The following MAP2K5 variants were observed in gnomAD, a reference collection of about 807,000 sequenced individuals.
MAP2K5 encodes dual specificity mitogen-activated protein kinase kinase 5.
A neutral mutation model predicts 83.1 loss-of-function variants in MAP2K5; 49 were observed. The ratio of observed to expected loss-of-function variants is 0.59; its 90% CI spans 0.47 to 0.75. The LOEUF is 0.75. Among genes scored for constraint, MAP2K5 ranks in the 30% least tolerant of loss-of-function variants. The pLI is 0.00. For missense variants in MAP2K5, 457 were observed against 557.5 expected, an observed-to-expected ratio of 0.82 and a Z score of 1.82; for synonymous variants, 202 against 191.8, an observed-to-expected ratio of 1.05 and a Z score of -0.44.
chr15:67,594,390 T>C (rs1331049237), intron 7 of MAP2K5, among the ~76,000 whole-genome samples: 3 of 152,198 alleles, frequency 2.0e-5, no homozygotes, highest in African/African-American at 7.2e-5. Context: ...TAGTTACTAA[T>C]TGTAATTTAT....
chr15:67,715,701 CA>C, intron 16 of MAP2K5, among the ~76,000 whole-genome samples: 1 of 152,272 alleles, frequency 6.6e-6, no homozygotes, highest in South Asian at 2.1e-4. Context: ...AGGCATTTGA[CA>C]ACCCATTTTC....
chr15:67,630,941 A>G lies in MAP2K5; in HGVS notation c.585+14A>G, dbSNP rs2086460142. 6.3e-7 allele frequency: 1 copy of G among 1,587,846 alleles called. No homozygotes were observed. The highest frequency in any genetic ancestry group is 8.6e-7 in the Non-Finnish European group (1 of 1,160,292). ...TTAGCTGTAAAGGTAAGTACTGGAT[A>G]CATTTTATGAAATTCTTGATGTTCA... is the stretch of plus-strand genomic sequence containing the variant. On this transcript the variant is annotated intron_variant, in intron 9 of 21. Transcript: ENST00000178640.
chr15:67,552,445 A>T lies in MAP2K5; in HGVS notation c.184+2363A>T, dbSNP rs2084530486. 2.6e-5 allele frequency among the ~76,000 whole-genome samples: 4 copies of T among 152,038 alleles called. No individual in the cohort carries two copies. Among genetic ancestry groups the T allele is most frequent in the Admixed American group, 2.6e-4 (4 of 15,272 alleles). ...ACAAGATCCCCACGAAGTACTCGTTATTTTTTTGAGACAGAGTATTGCTCT... is the reference window on the plus strand; with the variant it reads ...ACAAGATCCCCACGAAGTACTCGTTTTTTTTTTGAGACAGAGTATTGCTCT... On this transcript the variant is annotated intron_variant, in intron 2 of 21. Transcript: ENST00000178640. The surrounding 1 kb of genome is among the most constrained non-coding windows in gnomAD (Gnocchi z 4.2).
rs911291679 is a variant in MAP2K5 at position 67,649,715 on chromosome 15, A to G, written c.736+3246A>G. ...TCTATCTTTGTACCAGTACCACACC[A>G]TATTTGATTACTTGTACTTGAAAAC... On this transcript the variant is annotated intron_variant, in intron 11 of 21. Coordinates refer to ENST00000178640, the MANE Select transcript of MAP2K5 (RefSeq NM_145160.3). Among the ~76,000 whole-genome samples, 14 of 152,260 alleles carry G rather than the reference A, an allele frequency of 9.2e-5. No individual in the cohort carries two copies. In the East Asian group the frequency reaches 9.6e-4, roughly 10 times the overall value.
In MAP2K5 at chr15:67,786,006, A is replaced by T. The variant is rs1199512772; in HGVS notation, c.1242+13254A>T. Among the ~76,000 whole-genome samples, 1 of 137,122 alleles carries T rather than the reference A, an allele frequency of 7.3e-6. No individual in the cohort carries two copies. The highest frequency in any genetic ancestry group is 2.4e-4 in the East Asian group (1 of 4,250). The allele number at this position is 137,122 out of a possible 152,430, so 90.0% of individuals were successfully genotyped here. ...GATACCAACTTCACAGGGGGCTTTT[A>T]GCTGTTAGGTTGTTTTTTTTTTTTT... On this transcript the variant is annotated intron_variant, in intron 21 of 21. Coordinates refer to ENST00000178640, the MANE Select transcript of MAP2K5 (RefSeq NM_145160.3). The surrounding 1 kb of genome is among the most constrained non-coding windows in gnomAD (Gnocchi z 4.7).
intron 17 of MAP2K5, among the ~76,000 whole-genome samples, chr15:67,742,603 AAGG>A: frequency 6.6e-6 from 1 of 152,350 alleles, no homozygotes; most frequent in East Asian, 1.9e-4. Context: ...GGGACAAAGA[AAGG>A]AGAAAAGACT....
rs78455219 is a variant in MAP2K5, at chr15:67,553,123, C to T, written c.184+3041C>T. Among the ~76,000 whole-genome samples the T allele has an allele frequency of 1.3e-4, 20 of 152,056 alleles. No homozygotes were observed. In the East Asian group the frequency reaches 3.1e-3, roughly 24 times the overall value. On this transcript the variant is annotated intron_variant, in intron 2 of 21. Transcript: ENST00000178640. ...CCAGGCAGTGTACTAGATGACTTGCCTAAGTTGTTAGTAATCTTTATACTG... is the reference window on the plus strand; with the variant it reads ...CCAGGCAGTGTACTAGATGACTTGCTTAAGTTGTTAGTAATCTTTATACTG...
intron 8 of MAP2K5, among the ~76,000 whole-genome samples, chr15:67,613,262 G>A (rs1339969484): frequency 6.6e-6 from 1 of 152,202 alleles, no homozygotes; most frequent in Non-Finnish European, 1.5e-5. Context: ...GACTGGCTTT[G>A]CTAAGGTATC....
intron 8 of MAP2K5, among the ~76,000 whole-genome samples, chr15:67,618,490 T>C (rs2086106259): frequency 6.6e-6 from 1 of 152,192 alleles, no homozygotes; most frequent in Non-Finnish European, 1.5e-5. Context: ...CAGATGTATG[T>C]CTGTAGCCCT....
At chr15:67,727,245 G>T (rs1156360132) in intron 16 of MAP2K5, among the ~76,000 whole-genome samples, 1 of 152,134 alleles carries the variant, frequency 6.6e-6, no homozygotes, top group African/African-American at 2.4e-5. Flanking sequence ...CCTATTCCTG[G>T]TTGGATCATT....
At chr15:67,726,245 A>G (rs754276193) in intron 16 of MAP2K5, among the ~76,000 whole-genome samples, 2 of 152,226 alleles carry the variant, frequency 1.3e-5, no homozygotes, top group Non-Finnish European at 2.9e-5. Context: ...GGCCTTTTCA[A>G]AGTAGTCACT....
Position 67,637,737 on chromosome 15 carries a change from C to T in MAP2K5, c.585+6810C>T, listed in dbSNP as rs756133933. Among the ~76,000 whole-genome samples, 35 of 152,242 alleles carry T rather than the reference C, an allele frequency of 2.3e-4. No individual in the cohort carries two copies. Among genetic ancestry groups the T allele is most frequent in the Non-Finnish European group, 4.0e-4 (27 of 68,018 alleles). ...GGCCTCCTCAGACTCTCAGTTTTGT[C>T]TTCTCATCTTAGGGAGATGGCTTAT... On this transcript the variant is annotated intron_variant, in intron 9 of 21. Transcript: ENST00000178640. This position sits in a 1 kb window ranked among gnomAD's most constrained non-coding sequence, Gnocchi z 4.5.
intron 8 of MAP2K5, among the ~76,000 whole-genome samples, chr15:67,626,368 CA>C (rs1220916790): frequency 6.6e-6 from 1 of 150,812 alleles, no homozygotes; most frequent in African/African-American, 2.4e-5. Context: ...ATGAAAAATA[CA>C]AAAAAAAATT....
In MAP2K5 at chr15:67,543,199, T is replaced by A; in HGVS notation, c.-137T>A. The A allele has an allele frequency of 1.5e-5, 12 of 806,706 alleles. No homozygotes were observed. Among genetic ancestry groups the A allele is most frequent in the East Asian group, 2.6e-5 (1 of 38,266 alleles). The allele number at this position is 806,706 out of a possible 1,614,324, so 50.0% of individuals were successfully genotyped here. On this transcript the variant is annotated 5_prime_UTR_variant, in exon 1 of 22. Transcript: ENST00000178640. The surrounding 1 kb of genome is among the most constrained non-coding windows in gnomAD (Gnocchi z 4.3). Reference sequence around the variant, plus strand: ...TCCTGATCACCCCTCCCCTCTTCCCTCCCCCTCATCCTCCATTCCCTTGTT... The same window carrying A: ...TCCTGATCACCCCTCCCCTCTTCCCACCCCCTCATCCTCCATTCCCTTGTT...
At chr15:67,728,031 C>A in intron 17 of MAP2K5, 86 bp downstream of exon 17, 2 of 1,094,868 alleles carry the variant, frequency 1.8e-6, no homozygotes, top group Non-Finnish European at 1.4e-6. Context: ...ACATTTGAGC[C>A]ACATACAAAT....
At chr15:67,714,925 C>T (rs2088794000) in intron 16 of MAP2K5, among the ~76,000 whole-genome samples, 1 of 152,180 alleles carries the variant, frequency 6.6e-6, no homozygotes, top group Admixed American at 6.5e-5. Flanking sequence ...AGTATACACT[C>T]AACGTGGATC....
rs1311094380 is a variant in MAP2K5 at position 67,748,343 on chromosome 15, CT to C, written c.1101+88del. 8.3e-7 allele frequency: 1 copy of C among 1,204,434 alleles called. No homozygotes were observed. The highest frequency in any genetic ancestry group is 1.5e-5 in the African/African-American group (1 of 66,012). The allele number at this position is 1,204,434 out of a possible 1,614,324, so 74.6% of individuals were successfully genotyped here. On this transcript the variant is annotated intron_variant, in intron 18 of 21. Transcript: ENST00000178640. The surrounding 1 kb of genome is among the most constrained non-coding windows in gnomAD (Gnocchi z 4.0). ...GCATGCTTGAATGCCTTGTTTTAAACTTAGCAAATTGCATTTTGAAGAAAAT... is the reference window on the plus strand; with the variant it reads ...GCATGCTTGAATGCCTTGTTTTAAACTAGCAAATTGCATTTTGAAGAAAAT...
intron 2 of MAP2K5, among the ~76,000 whole-genome samples, chr15:67,556,375 G>T (rs1043622401): frequency 1.7e-4 from 26 of 151,986 alleles, no homozygotes; most frequent in African/African-American, 5.8e-4. Flanking sequence ...GTCTTCTACA[G>T]TCCAGGATAT....
In MAP2K5 at chr15:67,638,089, T is replaced by C. The variant is rs987643325; in HGVS notation, c.585+7162T>C. ...TTTAATTTAACTTTTTTAATTTAAC[T>C]TTTAAGGGGTACATGTGCAGGTTTG... On this transcript the variant is annotated intron_variant, in intron 9 of 21. Coordinates refer to ENST00000178640, the MANE Select transcript of MAP2K5 (RefSeq NM_145160.3). The surrounding 1 kb of genome is among the most constrained non-coding windows in gnomAD (Gnocchi z 4.5). Among the ~76,000 whole-genome samples the C allele has an allele frequency of 6.6e-6, 1 of 152,162 alleles. No individual in the cohort carries two copies. The highest frequency in any genetic ancestry group is 6.5e-5 in the Admixed American group (1 of 15,282).
Sources: allele counts gnomAD v4.1 joint callset (sites outside exome capture counted in the v4.1 genomes callset), GRCh38; gene constraint gnomAD v4.1.1; non-coding constraint Gnocchi (gnomAD v3.1); transcripts MANE v1.5; gene names NCBI Gene and HGNC (gene_info 2026-07-23, HGNC 2026-07-21).